The following CFAP46 variants were observed in gnomAD, a reference collection of about 807,000 sequenced individuals.
The protein encoded by CFAP46 is cilia- and flagella-associated protein 46.
A neutral mutation model predicts 325.7 loss-of-function variants in CFAP46; 245 were observed. The observed-to-expected ratio is 0.75, with a 90% confidence interval of 0.68 to 0.84. The LOEUF (loss-of-function observed/expected upper bound fraction) is 0.84. Among genes scored for constraint, CFAP46 ranks in the 40% least tolerant of loss-of-function variants. The pLI is 0.00. For synonymous variants in CFAP46, 1,523 were observed against 1,495.9 expected (o/e 1.02, Z -0.42); for missense variants, 3,346 against 3,543.0 (o/e 0.94, Z 1.41).
intron 9 of CFAP46, among the ~76,000 whole-genome samples, chr10:132,926,935 G>A (rs150665216): frequency 0.011 from 1,674 of 152,268 alleles, 27 homozygotes; most frequent in African/African-American, 0.036. Context: ...GCCTTGTCCC[G>A]GCCCCCAACA....
In CFAP46 at chr10:132,833,539, G is replaced by A. The variant is rs1355665514; in HGVS notation, c.6950-14C>T. ...GCTGGACTGTGCCTGGGAAACAGCA[G>A]TGCAGGGAGATCAGCTCCTGAAGAC... On this transcript the variant is annotated splice_polypyrimidine_tract_variant and intron_variant, in intron 49 of 57. Coordinates refer to ENST00000368586, the MANE Select transcript of CFAP46 (RefSeq NM_001200049.3). 4 of 1,606,044 alleles carry A rather than the reference G, an allele frequency of 2.5e-6. No homozygotes were observed. The African/African-American group carries it at 4.0e-5, about 16-fold the overall frequency.
In CFAP46 at chr10:132,867,517, G is replaced by A. The variant is rs1272032401; in HGVS notation, c.4611-10C>T. On this transcript the variant is annotated splice_polypyrimidine_tract_variant and intron_variant, in intron 33 of 57. Coordinates refer to ENST00000368586, the MANE Select transcript of CFAP46 (RefSeq NM_001200049.3). ...GATCTCTTTTCTGCAGCTAATGCGA[G>A]GAAAACAGACAATACGCAAGAGCCA... 1 of 1,548,986 alleles carries A rather than the reference G, an allele frequency of 6.5e-7. No individual in the cohort carries two copies. Among genetic ancestry groups the A allele is most frequent in the East Asian group, 2.4e-5 (1 of 40,940 alleles).
At chr10:132,844,856 T>G (rs1051926589) in intron 44 of CFAP46, among the ~76,000 whole-genome samples, 5 of 152,116 alleles carry the variant, frequency 3.3e-5, no homozygotes, top group African/African-American at 1.2e-4. Context: ...CAGCCCAATT[T>G]TTTTGAGATG....
In CFAP46 at chr10:132,876,770, G is replaced by A. The variant is rs1443012080; in HGVS notation, c.4362+42C>T. On this transcript the variant is annotated intron_variant, in intron 31 of 57. Coordinates refer to ENST00000368586, the MANE Select transcript of CFAP46 (RefSeq NM_001200049.3). This position sits in a 1 kb window ranked among gnomAD's most constrained non-coding sequence, Gnocchi z 4.1. ...TGGGGACAGGTCAAGGGGACACCAT[G>A]CTGTGACCAAGGTCTTGAGCCTTTT... 8 of 1,531,440 alleles carry A rather than the reference G, an allele frequency of 5.2e-6. No individual in the cohort carries two copies. Among genetic ancestry groups the A allele is most frequent in the Non-Finnish European group, 7.0e-6 (8 of 1,138,442 alleles). 94.9% of individuals were successfully genotyped at this position (1,531,440 alleles called of 1,614,324 possible).
At position 132,899,810 on chromosome 10, in the gene CFAP46, G is replaced by A. The variant is rs990545142; in HGVS notation, c.2925-144C>T. 5 of 969,510 alleles carry A rather than the reference G, an allele frequency of 5.2e-6. No homozygotes were observed. The African/African-American group carries it at 8.3e-5, about 16-fold the overall frequency. 60.1% of individuals were successfully genotyped at this position (969,510 alleles called of 1,614,324 possible). A position where few individuals can be genotyped will look rare whatever the true frequency, so the allele number is the denominator to read the frequency against. On this transcript the variant is annotated intron_variant, in intron 22 of 57. Transcript: ENST00000368586. ...CTGGCCCACAAGCACATGTGCACAG[G>A]GCTCCGCCCTCCCCGAATCTGAGTC...
At chr10:132,834,379 G>GC (rs1848202422) in intron 48 of CFAP46, among the ~76,000 whole-genome samples, 1 of 152,162 alleles carries the variant, frequency 6.6e-6, no homozygotes, top group Non-Finnish European at 1.5e-5. Flanking sequence ...AATCAAAGCA[G>GC]CCCGGGCGGT....
In CFAP46 at chr10:132,871,760, T is replaced by C. The variant is rs537720612; in HGVS notation, c.4511+916A>G. Among the ~76,000 whole-genome samples the C allele has an allele frequency of 5.3e-5, 8 of 152,348 alleles. No homozygotes were observed. The East Asian group carries it at 1.5e-3, about 29-fold the overall frequency. On this transcript the variant is annotated intron_variant, in intron 32 of 57. Transcript: ENST00000368586. ...AGATGGGATCTGCTCCTGGTAAAGA[T>C]GCTGTGAACACTGTGGAAATGACAA...
intron 10 of CFAP46, among the ~76,000 whole-genome samples, chr10:132,925,112 C>T (rs1022722770): frequency 5.3e-5 from 8 of 151,512 alleles, no homozygotes; most frequent in Non-Finnish European, 1.0e-4. Flanking sequence ...GCCCACACAT[C>T]GTGGCTGCGC....
Position 132,884,401 on chromosome 10 carries a change from C to T in CFAP46, c.3627+702G>A, listed in dbSNP as rs71481963. 2.0e-5 allele frequency among the ~76,000 whole-genome samples: 3 copies of T among 152,142 alleles called. No individual in the cohort carries two copies. Among genetic ancestry groups the T allele is most frequent in the Admixed American group, 6.5e-5 (1 of 15,278 alleles). ...GGACCCCAGAACAATCCAAAGGCCT[C>T]GGGGCAGGATTGCTCTGAGCCGGAG... On this transcript the variant is annotated intron_variant, in intron 27 of 57. Transcript: ENST00000368586. This position sits in a 1 kb window ranked among gnomAD's most constrained non-coding sequence, Gnocchi z 5.4.
intron 28 of CFAP46, among the ~76,000 whole-genome samples, chr10:132,879,997 C>A (rs984874192): frequency 4.6e-5 from 7 of 152,062 alleles, no homozygotes; most frequent in African/African-American, 7.2e-5. Flanking sequence ...CTGAGCAGGG[C>A]CCCCACTCAT....
chr10:132,938,826 G>A lies in CFAP46; in HGVS notation c.372-73C>T, dbSNP rs183208956. On this transcript the variant is annotated intron_variant, in intron 4 of 57. Coordinates refer to ENST00000368586, the MANE Select transcript of CFAP46 (RefSeq NM_001200049.3). ...GCCCAAGCTGCAGAACCAAGGGGCC[G>A]CTGTGTCTCCGGAGCCCCTCCCAGG... 1.2e-3 allele frequency: 1,801 copies of A among 1,454,780 alleles called. 23 individuals are homozygous for A. The African/African-American group carries it at 0.023, about 19-fold the overall frequency. The allele number at this position is 1,454,780 out of a possible 1,614,324, so 90.1% of individuals were successfully genotyped here.
At position 132,832,181 on chromosome 10, in the gene CFAP46, G is replaced by A. The variant is rs535225368; in HGVS notation, c.7117+1177C>T. ...ATAAAGGCGTTTTAAGTATTTATCC[G>A]TGTTTTCACTATTTTCAGAGCTGTC... On this transcript the variant is annotated intron_variant, in intron 50 of 57. Transcript: ENST00000368586. The surrounding 1 kb of genome is among the most constrained non-coding windows in gnomAD (Gnocchi z 4.1). Among the ~76,000 whole-genome samples, 4 of 152,098 alleles carry A rather than the reference G, an allele frequency of 2.6e-5. No individual in the cohort carries two copies. The highest frequency in any genetic ancestry group is 1.9e-4 in the East Asian group (1 of 5,176).
chr10:132,900,304 G>A (rs1182844286), intron 22 of CFAP46, among the ~76,000 whole-genome samples: 2 of 152,186 alleles, frequency 1.3e-5, no homozygotes, highest in East Asian at 1.9e-4. Flanking sequence ...ACACTCCTGG[G>A]TGTCAACAGC....
rs1177043925 is a variant in CFAP46 at position 132,827,787 on chromosome 10, C to G, written c.7117+5571G>C. Among the ~76,000 whole-genome samples the G allele has an allele frequency of 6.6e-6, 1 of 152,050 alleles. No homozygotes were observed. Among genetic ancestry groups the G allele is most frequent in the African/African-American group, 2.4e-5 (1 of 41,414 alleles). ...CCCAACTTCTCCTGCAGCCCCAGCC[C>G]CCACCCCCAGGAAGCAACTTACCTG... is the stretch of plus-strand genomic sequence containing the variant. On this transcript the variant is annotated intron_variant, in intron 50 of 57. Transcript: ENST00000368586. This position sits in a 1 kb window ranked among gnomAD's most constrained non-coding sequence, Gnocchi z 5.7.
chr10:132,867,954 C>T (rs986486046), intron 33 of CFAP46, among the ~76,000 whole-genome samples: 8 of 152,208 alleles, frequency 5.3e-5, no homozygotes, highest in South Asian at 2.1e-4. Flanking sequence ...CCACGGCCCC[C>T]GGCTGTCCCG....
intron 57 of CFAP46, among the ~76,000 whole-genome samples, chr10:132,809,156 T>C (rs938309530): frequency 2.0e-5 from 3 of 151,542 alleles, no homozygotes; most frequent in Non-Finnish European, 4.4e-5. Flanking sequence ...CATCCCCCTC[T>C]ACCCCTTGGC....
intron 9 of CFAP46, 29 bp from the exon 10 acceptor site, chr10:132,926,695 T>C (rs771271339): frequency 4.2e-5 from 62 of 1,467,538 alleles, no homozygotes; most frequent in Non-Finnish European, 5.5e-5. Flanking sequence ...TTTGAAAAGA[T>C]GGAGATCTGT....
At chr10:132,811,157 G>A (rs1437695997) in intron 55 of CFAP46, 126 bp from the exon 56 acceptor site, 45 of 798,642 alleles carry the variant, frequency 5.6e-5, no homozygotes, top group Non-Finnish European at 7.1e-5. Flanking sequence ...ACTCAGCTCC[G>A]GGCTCCGACC....
chr10:132,882,564 G>A (rs1019708063), intron 27 of CFAP46, among the ~76,000 whole-genome samples: 1 of 152,084 alleles, frequency 6.6e-6, no homozygotes, highest in Non-Finnish European at 1.5e-5. Flanking sequence ...GCCCCAGGGC[G>A]GGGCCAGGCA....
Sources: gnomAD v4.1 joint callset for allele counts (sites outside exome capture counted in the v4.1 genomes callset) on GRCh38, gnomAD v4.1.1 for gene constraint, Gnocchi (gnomAD v3.1) non-coding constraint, MANE v1.5 for transcripts, NCBI Gene and HGNC (gene_info 2026-07-23, HGNC 2026-07-21) for gene names.